The following ZNF679 variants were observed in gnomAD, a reference collection of about 807,000 sequenced individuals.
ZNF679 encodes hypothetical protein MGC42415.
In ZNF679, 10 loss-of-function variants were observed where a neutral mutation model predicts 13.4. That is an observed-to-expected ratio of 0.75 (90% confidence interval 0.46 to 1.27). The LOEUF (loss-of-function observed/expected upper bound fraction) is 1.27. Ranked by LOEUF, ZNF679 falls within the 50% of genes most tolerant of loss-of-function variation. ZNF679 has a pLI of 0.00. For missense variants in ZNF679, 525 were observed against 477.8 expected, an observed-to-expected ratio of 1.10 and a Z score of -0.92; for synonymous variants, 179 against 162.5, an observed-to-expected ratio of 1.10 and a Z score of -0.77.
chr7:64,234,966 T>C (rs1787689023), intron 1 of ZNF679, among the ~76,000 whole-genome samples: 1 of 152,014 alleles, frequency 6.6e-6, no homozygotes, highest in African/African-American at 2.4e-5. Context: ...GCCTCTCGAG[T>C]AGCTGGGACT....
At chr7:64,240,028 A>AATTGT (rs1205455109) in intron 1 of ZNF679, among the ~76,000 whole-genome samples, 1 of 152,152 alleles carries the variant, frequency 6.6e-6, no homozygotes, top group African/African-American at 2.4e-5. Flanking sequence ...TTTCCACAAA[A>AATTGT]GGAATTGTGA....
chr7:64,264,279 G>C (rs1357768290), intron 4 of ZNF679, among the ~76,000 whole-genome samples: 1 of 151,652 alleles, frequency 6.6e-6, no homozygotes, highest in Non-Finnish European at 1.5e-5. Context: ...CAGTTGCATA[G>C]AAAAATTTGT....
chr7:64,266,185 C>T lies in ZNF679; in HGVS notation c.552C>T (p.Phe184=), dbSNP rs768253868. ...HKTRHTGKKH[F]KCKKYGKSFC... ...CAAGACATACTGGAAAGAAACATTT[C>T]AAATGTAAAAAATATGGCAAATCAT... is the stretch of plus-strand genomic sequence containing the variant. The change falls in exon 5 of 5, where the codon TTC becomes TTT. Residue 184 remains phenylalanine, a synonymous_variant. Coordinates refer to ENST00000421025, the MANE Select transcript of ZNF679 (RefSeq NM_153363.3). 4 of 1,591,986 alleles carry T rather than the reference C, an allele frequency of 2.5e-6. No homozygotes were observed. The highest frequency in any genetic ancestry group is 3.4e-6 in the Non-Finnish European group (4 of 1,167,502).
intron 2 of ZNF679, among the ~76,000 whole-genome samples, chr7:64,254,146 A>G (rs1240126432): frequency 1.5e-5 from 2 of 131,964 alleles, no homozygotes; most frequent in African/African-American, 5.0e-5. Context: ...TTTTTTTGAG[A>G]CAAAGTCTTG....
chr7:64,236,464 G>A (rs1427231547), intron 1 of ZNF679, among the ~76,000 whole-genome samples: 1 of 151,460 alleles, frequency 6.6e-6, no homozygotes, highest in African/African-American at 2.4e-5. Flanking sequence ...AAAAAAAAAA[G>A]GGCAGAATAA....
At chr7:64,231,438 G>T (rs1460277939) in intron 1 of ZNF679, among the ~76,000 whole-genome samples, 1 of 152,224 alleles carries the variant, frequency 6.6e-6, no homozygotes, top group African/African-American at 2.4e-5. Context: ...TCTGTAGGCC[G>T]AGCCCAGGCA....
chr7:64,259,920 T>G (rs575489234), intron 2 of ZNF679, among the ~76,000 whole-genome samples: 1 of 151,924 alleles, frequency 6.6e-6, no homozygotes, highest in East Asian at 1.9e-4. Flanking sequence ...AGAGTGAGAC[T>G]TGGTCTCCAA....
chr7:64,256,095 T>C (rs1788001859), intron 2 of ZNF679, among the ~76,000 whole-genome samples: 1 of 152,174 alleles, frequency 6.6e-6, no homozygotes, highest in Non-Finnish European at 1.5e-5. Flanking sequence ...GAACTGGGCT[T>C]CAGTGTCTGT....
chr7:64,263,601 C>T lies in ZNF679; in HGVS notation c.263-2295C>T, dbSNP rs1562848340. Among the ~76,000 whole-genome samples the T allele has an allele frequency of 2.6e-5, 4 of 152,116 alleles. No homozygotes were observed. In the South Asian group the frequency reaches 6.2e-4, roughly 24 times the overall value. ...CTCATGAATGACTTGGTACAATCCC[C>T]TTGGTAATCATAGAGTTCTCCCTCT... is the stretch of plus-strand genomic sequence containing the variant. On this transcript the variant is annotated intron_variant, in intron 4 of 4. Transcript: ENST00000421025.
intron 1 of ZNF679, among the ~76,000 whole-genome samples, chr7:64,230,481 C>T (rs539802633): frequency 5.4e-5 from 8 of 148,710 alleles, no homozygotes; most frequent in South Asian, 2.1e-4. Context: ...TGCAGTGAGC[C>T]GAGATTGCGC....
intron 1 of ZNF679, among the ~76,000 whole-genome samples, chr7:64,235,992 C>T (rs999373827): frequency 2.6e-5 from 4 of 152,088 alleles, no homozygotes; most frequent in South Asian, 4.1e-4. Context: ...AGAGGCCGGG[C>T]GTGGTGCCTC....
At chr7:64,262,475 G>A (rs1302561169) in intron 4 of ZNF679, among the ~76,000 whole-genome samples, 3 of 151,892 alleles carry the variant, frequency 2.0e-5, no homozygotes, top group Non-Finnish European at 4.4e-5. Flanking sequence ...AAAGTATTTT[G>A]TTTAAAATAT....
intron 2 of ZNF679, among the ~76,000 whole-genome samples, chr7:64,255,090 C>T (rs753037258): frequency 1.3e-5 from 2 of 151,828 alleles, no homozygotes; most frequent in Non-Finnish European, 2.9e-5. Flanking sequence ...AGAGGCCTGG[C>T]CTGGAGGGGG....
At chr7:64,237,302 C>G (rs1787740120) in intron 1 of ZNF679, among the ~76,000 whole-genome samples, 1 of 152,162 alleles carries the variant, frequency 6.6e-6, no homozygotes, top group African/African-American at 2.4e-5. Flanking sequence ...GAAGGTGAAG[C>G]CTTGTCATGG....
chr7:64,256,622 C>CT (rs1290541339), intron 2 of ZNF679, among the ~76,000 whole-genome samples: 10 of 149,312 alleles, frequency 6.7e-5, no homozygotes, highest in African/African-American at 2.5e-4. Context: ...TGAATTATTT[C>CT]TTTTTTCTTC....
At chr7:64,232,302 ATCTTTGTACCACCCAAGG>A (rs1405151176) in intron 1 of ZNF679, among the ~76,000 whole-genome samples, 1 of 152,226 alleles carries the variant, frequency 6.6e-6, no homozygotes, top group Admixed American at 6.5e-5. Context: ...CTGTTACAAC[ATCTTTGTACCACCCAAGG>A]TCTTTGTAAA....
intron 4 of ZNF679, 144 bp from the exon 5 acceptor site, chr7:64,265,752 T>A (rs899369268): frequency 1.1e-6 from 1 of 893,420 alleles, no homozygotes; most frequent in African/African-American, 1.7e-5. Context: ...GTTACATTTA[T>A]ACACCTATGA....
intron 1 of ZNF679, among the ~76,000 whole-genome samples, chr7:64,243,504 C>T (rs1787826809): frequency 6.6e-6 from 1 of 152,132 alleles, no homozygotes; most frequent in Non-Finnish European, 1.5e-5. Context: ...AACCATTTCT[C>T]CTGTAAATAG....
intron 1 of ZNF679, among the ~76,000 whole-genome samples, chr7:64,233,073 T>C (rs2116506198): frequency 6.6e-6 from 1 of 151,966 alleles, no homozygotes; most frequent in South Asian, 2.1e-4. Flanking sequence ...AAACCCCGTG[T>C]CTACTAAAAA....
Sources: gnomAD v4.1 joint callset for allele counts (sites outside exome capture counted in the v4.1 genomes callset) on GRCh38, gnomAD v4.1.1 for gene constraint, MANE v1.5 for transcripts, NCBI Gene and HGNC (gene_info 2026-07-23, HGNC 2026-07-21) for gene names.